MOG: variants seen among roughly 807,000 people sequenced by gnomAD.
MOG encodes the protein myelin oligodendrocyte glycoprotein.
In MOG, 20 loss-of-function variants were observed where a neutral mutation model predicts 35.9. The ratio of observed to expected loss-of-function variants is 0.56; its 90% confidence interval spans 0.39 to 0.81. The LOEUF is 0.81. Ranked by LOEUF, MOG falls within the 30% of genes least tolerant of loss-of-function variation. The pLI is 0.00. For missense variants in MOG, 251 were observed against 301.0 expected (o/e 0.83, Z 1.23); for synonymous variants, 92 against 114.3 (o/e 0.80, Z 1.25).
chr6:29,670,149 T>C lies in MOG; in HGVS notation c.593-132T>C. The C allele has an allele frequency of 1.4e-6, 2 of 1,477,218 alleles. No homozygotes were observed. Among genetic ancestry groups the C allele is most frequent in the South Asian group, 1.1e-5 (1 of 88,260 alleles). The allele number at this position is 1,477,218 out of a possible 1,614,324, so 91.5% of individuals were successfully genotyped here. On this transcript the variant is annotated intron_variant, in intron 5 of 7. Coordinates refer to ENST00000376917, the MANE Select transcript of MOG (RefSeq NM_206809.4). The surrounding 1 kb of genome is among the most constrained non-coding windows in gnomAD (Gnocchi z 4.2). ...GCAGTACTTTTCTCATCCAAGTTCA[T>C]GGACTTTCTGAATTTTGTCCCCAGA...
chr6:29,663,232 A>G, intron 2 of MOG, among the ~76,000 whole-genome samples: 1 of 142,992 alleles, frequency 7.0e-6, no homozygotes. Flanking sequence ...AGATCATGCC[A>G]CTGCACTCCA....
intron 2 of MOG, chr6:29,661,469 A>G: frequency 1.0e-6 from 1 of 985,330 alleles, no homozygotes; most frequent in Non-Finnish European, 1.2e-6. Context: ...CCTGCTCAAC[A>G]ACTTCCTAGC....
intron 2 of MOG, among the ~76,000 whole-genome samples, chr6:29,665,101 CTTTTTT>C (rs9280633): frequency 6.9e-6 from 1 of 144,582 alleles, no homozygotes; most frequent in Non-Finnish European, 1.5e-5. Context: ...TTTTCTTTTT[CTTTTTT>C]TTTTTTGAGA....
chr6:29,665,074 G>A (rs769156374), intron 2 of MOG, among the ~76,000 whole-genome samples: 6 of 151,754 alleles, frequency 4.0e-5, no homozygotes, highest in Admixed American at 6.6e-5. Flanking sequence ...CTAATGTGAC[G>A]TGAAAATATT....
Position 29,670,917 on chromosome 6 carries a change from G to T in MOG, c.730+196G>T. 6.2e-7 allele frequency: 1 copy of T among 1,608,612 alleles called. No individual in the cohort carries two copies. Among genetic ancestry groups the T allele is most frequent in the Non-Finnish European group, 8.5e-7 (1 of 1,177,872 alleles). ...CCAGCTGTTAGAGACACATTTACAGGTGGCAGAGAAGCTGGAGGCACTCCT... is the reference window on the plus strand; with the variant it reads ...CCAGCTGTTAGAGACACATTTACAGTTGGCAGAGAAGCTGGAGGCACTCCT... On this transcript the variant is annotated intron_variant, in intron 7 of 7. Coordinates refer to ENST00000376917, the MANE Select transcript of MOG (RefSeq NM_206809.4). This position sits in a 1 kb window ranked among gnomAD's most constrained non-coding sequence, Gnocchi z 4.2.
Position 29,657,292 on chromosome 6 carries a change from A to T in MOG, c.83A>T (p.Tyr28Phe). 1 of 1,591,666 alleles carries T rather than the reference A, an allele frequency of 6.3e-7. No individual in the cohort carries two copies. The highest frequency in any genetic ancestry group is 1.3e-5 in the African/African-American group (1 of 74,762). ...CTCCTCCTCCAAGTGTCTTCCAGCT[A>T]TGCAGGTAAGACATGTTTTTTTTCC... is the stretch of plus-strand genomic sequence containing the variant. ...LLLLLQVSSS[Y>F]AGQFRVIGPR... Residue 28 changes from tyrosine to phenylalanine, a missense_variant, in exon 1 of 8, where the codon TAT (tyrosine) becomes TTT (phenylalanine). Coordinates refer to ENST00000376917, the MANE Select transcript of MOG (RefSeq NM_206809.4).
At position 29,662,051 on chromosome 6, in the gene MOG, G is replaced by A. The variant is rs759389813; in HGVS notation, c.436+2385G>A. ...AATGAGATGAAGTAATGGTATTATTGCAAGTCTCAGGTGTAACTACCTCTG... is the reference window on the plus strand; with the variant it reads ...AATGAGATGAAGTAATGGTATTATTACAAGTCTCAGGTGTAACTACCTCTG... On this transcript the variant is annotated intron_variant, in intron 2 of 7. Coordinates refer to ENST00000376917, the MANE Select transcript of MOG (RefSeq NM_206809.4). This position sits in a 1 kb window ranked among gnomAD's most constrained non-coding sequence, Gnocchi z 4.2. 1 of 985,252 alleles carries A rather than the reference G, an allele frequency of 1.0e-6. No individual in the cohort carries two copies. The highest frequency in any genetic ancestry group is 1.2e-6 in the Non-Finnish European group (1 of 829,918). The allele number at this position is 985,252 out of a possible 1,614,324, so 61.0% of individuals were successfully genotyped here.
intron 2 of MOG, among the ~76,000 whole-genome samples, chr6:29,660,197 C>A (rs1768205181): frequency 6.6e-6 from 1 of 151,746 alleles, no homozygotes; most frequent in South Asian, 2.1e-4. Flanking sequence ...CCACTCCCTA[C>A]CCGTCTCTAA....
At chr6:29,668,068 C>T (rs964146920) in intron 5 of MOG, 144 bp downstream of exon 5, 35 of 793,366 alleles carry the variant, frequency 4.4e-5, no homozygotes, top group Non-Finnish European at 6.7e-5. Context: ...AAGTCATTTG[C>T]ATTTAGGATT....
chr6:29,660,148 T>G (rs149662392), intron 2 of MOG, among the ~76,000 whole-genome samples: 1,734 of 146,484 alleles, frequency 0.012, 19 homozygotes, highest in Admixed American at 0.023. Flanking sequence ...ATTGCACCAC[T>G]GCACTCCAAC....
chr6:29,671,579 G>T lies in MOG; in HGVS notation c.*394G>T. 1.3e-6 allele frequency: 1 copy of T among 778,666 alleles called. No individual in the cohort carries two copies. The highest frequency in any genetic ancestry group is 1.4e-5 in the South Asian group (1 of 71,500). 48.2% of individuals were successfully genotyped at this position (778,666 alleles called of 1,614,324 possible). ...ATTACAGTATGGTAACTTTGCAAAT[G>T]GTGGTTGTTTCTTCCAAGACTCCAG... is the stretch of plus-strand genomic sequence containing the variant. On this transcript the variant is annotated 3_prime_UTR_variant, in exon 8 of 8. Coordinates refer to ENST00000376917, the MANE Select transcript of MOG (RefSeq NM_206809.4).
Position 29,670,096 on chromosome 6 carries a change from G to A in MOG, c.593-185G>A. 1 of 1,021,454 alleles carries A rather than the reference G, an allele frequency of 9.8e-7. No individual in the cohort carries two copies. The highest frequency in any genetic ancestry group is 1.3e-5 in the South Asian group (1 of 76,690). The allele number at this position is 1,021,454 out of a possible 1,614,324, so 63.3% of individuals were successfully genotyped here. A position where few individuals can be genotyped will look rare whatever the true frequency, so the allele number is the denominator to read the frequency against. On this transcript the variant is annotated intron_variant, in intron 5 of 7. Coordinates refer to ENST00000376917, the MANE Select transcript of MOG (RefSeq NM_206809.4). The surrounding 1 kb of genome is among the most constrained non-coding windows in gnomAD (Gnocchi z 4.2). ...TGTTACATTTTTAATGAAAGAAAAT[G>A]TTAAATCCAGTTATTGAAAATAAGG...
rs1768998933 is a variant in MOG at position 29,662,343 on chromosome 6, G to T, written c.436+2677G>T. 1 of 202,940 alleles carries T rather than the reference G, an allele frequency of 4.9e-6. No homozygotes were observed. The highest frequency in any genetic ancestry group is 1.7e-4 in the South Asian group (1 of 5,794). 12.6% of individuals were successfully genotyped at this position (202,940 alleles called of 1,614,324 possible). On this transcript the variant is annotated intron_variant, in intron 2 of 7. Coordinates refer to ENST00000376917, the MANE Select transcript of MOG (RefSeq NM_206809.4). The surrounding 1 kb of genome is among the most constrained non-coding windows in gnomAD (Gnocchi z 4.2). ...TACTAAAAAATACAAAATTAGCTAG[G>T]CGTGGTGGCACATGCCAGTAATCCC...
chr6:29,661,239 T>C, intron 2 of MOG: 1 of 308,850 alleles, frequency 3.2e-6, no homozygotes, highest in Non-Finnish European at 4.7e-6. Flanking sequence ...TTGATCACTA[T>C]TGTATCTTGG....
intron 3 of MOG, among the ~76,000 whole-genome samples, chr6:29,666,926 T>TAGC (rs1207066508): frequency 6.6e-6 from 1 of 151,882 alleles, no homozygotes; most frequent in Non-Finnish European, 1.5e-5. Flanking sequence ...GCAAGGAGGG[T>TAGC]ATGGGGAATG....
In MOG at chr6:29,670,147, C is replaced by A; in HGVS notation, c.593-134C>A. On this transcript the variant is annotated intron_variant, in intron 5 of 7. Coordinates refer to ENST00000376917, the MANE Select transcript of MOG (RefSeq NM_206809.4). The surrounding 1 kb of genome is among the most constrained non-coding windows in gnomAD (Gnocchi z 4.2). ...AGGCAGTACTTTTCTCATCCAAGTT[C>A]ATGGACTTTCTGAATTTTGTCCCCA... 6.8e-7 allele frequency: 1 copy of A among 1,461,624 alleles called. No individual in the cohort carries two copies. Among genetic ancestry groups the A allele is most frequent in the Non-Finnish European group, 9.6e-7 (1 of 1,040,942 alleles). The allele number at this position is 1,461,624 out of a possible 1,614,324, so 90.5% of individuals were successfully genotyped here.
At chr6:29,666,374 C>A in intron 3 of MOG, 109 bp downstream of exon 3, 1 of 701,246 alleles carries the variant, frequency 1.4e-6, no homozygotes, top group Non-Finnish European at 2.6e-6. Context: ...TTCAGAAGTT[C>A]TTCTCACTAT....
rs777769300 is a variant in MOG at position 29,670,915 on chromosome 6, A to G, written c.730+194A>G. 6.2e-7 allele frequency: 1 copy of G among 1,608,116 alleles called. No homozygotes were observed. Among genetic ancestry groups the G allele is most frequent in the Non-Finnish European group, 8.5e-7 (1 of 1,177,582 alleles). On this transcript the variant is annotated intron_variant, in intron 7 of 7. Transcript: ENST00000376917. The surrounding 1 kb of genome is among the most constrained non-coding windows in gnomAD (Gnocchi z 4.2). ...AGCCAGCTGTTAGAGACACATTTAC[A>G]GGTGGCAGAGAAGCTGGAGGCACTC...
Position 29,672,317 on chromosome 6 carries a change from TAAATAAATAAATAAATA to T in MOG, c.*1136_*1152del, listed in dbSNP as rs1368561669. The T allele has an allele frequency of 0.014, 3,651 of 266,966 alleles. 47 individuals are homozygous for T. The highest frequency in any genetic ancestry group is 0.036 in the Middle Eastern group (31 of 856). 16.5% of individuals were successfully genotyped at this position (266,966 alleles called of 1,614,324 possible). ...ATAAATAAATAAATAAATAAATAAA[TAAATAAATAAATAAATA>T]AAAAATAATAATACAAGTTTTCATA... On this transcript the variant is annotated 3_prime_UTR_variant, in exon 8 of 8. Transcript: ENST00000376917.
Sources: gnomAD v4.1 joint callset for allele counts (sites outside exome capture counted in the v4.1 genomes callset) on GRCh38, gnomAD v4.1.1 for gene constraint, Gnocchi (gnomAD v3.1) non-coding constraint, MANE v1.5 for transcripts, NCBI Gene and HGNC (gene_info 2026-07-23, HGNC 2026-07-21) for gene names.